Variants in FLI1 observed in about 807,000 individuals in gnomAD.
FLI1 encodes the protein Fli-1 proto-oncogene, ETS transcription factor.
In FLI1, 13 loss-of-function variants were observed where a neutral mutation model predicts 53.1. That is an observed-to-expected ratio of 0.24 (90% confidence interval 0.16 to 0.39). The LOEUF (loss-of-function observed/expected upper bound fraction) is 0.39, where lower values mean the gene tolerates loss of function less well. Ranked by LOEUF, FLI1 falls within the 10% of genes least tolerant of loss-of-function variation. FLI1 has a pLI of 1.00. For synonymous variants in FLI1, 244 were observed against 236.7 expected (o/e 1.03, Z -0.28); for missense variants, 424 against 600.5 (o/e 0.71, Z 3.07).
chr11:128,750,504 G>C (rs1308124464), intron 1 of FLI1, among the ~76,000 whole-genome samples: 1 of 152,184 alleles, frequency 6.6e-6, no homozygotes, highest in Non-Finnish European at 1.5e-5. Flanking sequence ...TGAAATATTT[G>C]TTCCTTCCCA....
chr11:128,686,757 G>C (rs1414564930), intron 1 of FLI1: 3 of 302,174 alleles, frequency 9.9e-6, no homozygotes, highest in Non-Finnish European at 2.0e-5. Context: ...TACCCCACCC[G>C]GGCCTATGGT....
At chr11:128,785,979 G>T (rs1942065713) in intron 5 of FLI1, among the ~76,000 whole-genome samples, 1 of 152,122 alleles carries the variant, frequency 6.6e-6, no homozygotes, top group South Asian at 2.1e-4. Context: ...ACTTAAAATG[G>T]TTAAAATGGT....
rs1331908622 is a variant in FLI1, at chr11:128,784,268, C to CCTCCTCCTGCTGCTG, written c.655+2247_655+2248insCCTCCTGCTGCTGCT. Among the ~76,000 whole-genome samples, 93 of 130,266 alleles carry CCTCCTCCTGCTGCTG rather than the reference C, an allele frequency of 7.1e-4. 2 individuals carry two copies. Among genetic ancestry groups the CCTCCTCCTGCTGCTG allele is most frequent in the East Asian group, 2.2e-3 (9 of 4,102 alleles). 85.5% of individuals were successfully genotyped at this position (130,266 alleles called of 152,430 possible). A position where few individuals can be genotyped will look rare whatever the true frequency, so the allele number is the denominator to read the frequency against. ...TCCTCCTCCTCCTCCTCCTCCTCCTCCTGCTGTCTTATTGTTCAGCCGTGT... is the reference window on the plus strand; with the variant it reads ...TCCTCCTCCTCCTCCTCCTCCTCCTCCTCCTCCTGCTGCTGCTGCTGTCTTATTGTTCAGCCGTGT... On this transcript the variant is annotated intron_variant, in intron 5 of 8. Transcript: ENST00000527786.
intron 4 of FLI1, among the ~76,000 whole-genome samples, chr11:128,777,378 G>C (rs1941767245): frequency 6.6e-6 from 1 of 152,154 alleles, no homozygotes; most frequent in African/African-American, 2.4e-5. Flanking sequence ...TTCAAACAGT[G>C]GCTGCTCAAA....
At chr11:128,708,474 A>T (rs1020155938) in intron 1 of FLI1, among the ~76,000 whole-genome samples, 4 of 152,126 alleles carry the variant, frequency 2.6e-5, no homozygotes. Flanking sequence ...CGGTCCCTCT[A>T]AAGTGCTAAT....
At chr11:128,716,756 T>C (rs956623523) in intron 1 of FLI1, among the ~76,000 whole-genome samples, 5 of 152,178 alleles carry the variant, frequency 3.3e-5, no homozygotes, top group Non-Finnish European at 7.4e-5. Context: ...GCCACAGGGC[T>C]CTGCATTCCT....
At chr11:128,769,616 A>T (rs1256684920) in intron 3 of FLI1, among the ~76,000 whole-genome samples, 2 of 152,162 alleles carry the variant, frequency 1.3e-5, no homozygotes, top group Non-Finnish European at 2.9e-5. Context: ...GAGGCAGCAG[A>T]CGGGTGGGGC....
At chr11:128,693,497 C>T (rs12420823), upstream of FLI1, 79,215 of 175,458 alleles carry the variant, frequency 0.45, 18,664 homozygotes, top group African/African-American at 0.5. Context: ...GCAGCCCTAG[C>T]CAACTCTCCC....
At chr11:128,772,632 A>T in intron 3 of FLI1, 150 bp from the exon 4 acceptor site, 1 of 673,708 alleles carries the variant, frequency 1.5e-6, no homozygotes, top group Non-Finnish European at 2.6e-6. Flanking sequence ...GAGCCTGATG[A>T]GTGTTCTAGG....
intron 4 of FLI1, among the ~76,000 whole-genome samples, chr11:128,775,688 C>T (rs583683): frequency 0.45 from 67,909 of 152,148 alleles, 16,187 homozygotes; most frequent in Middle Eastern, 0.59. Context: ...AGTGGATGTT[C>T]TGTGCTTAGG....
chr11:128,697,765 A>G (rs1938148722), intron 1 of FLI1, among the ~76,000 whole-genome samples: 1 of 152,220 alleles, frequency 6.6e-6, no homozygotes, highest in Admixed American at 6.5e-5. Context: ...CATTAATTCA[A>G]CAAATGTTTA....
intron 4 of FLI1, among the ~76,000 whole-genome samples, chr11:128,775,390 T>C (rs1941700370): frequency 6.6e-6 from 1 of 151,412 alleles, no homozygotes; most frequent in Non-Finnish European, 1.5e-5. Context: ...CCCAACATGG[T>C]ATTGAAATAT....
intron 1 of FLI1, among the ~76,000 whole-genome samples, chr11:128,730,855 C>T (rs651589): frequency 0.82 from 124,938 of 152,284 alleles, 51,748 homozygotes; most frequent in East Asian, 0.96. Flanking sequence ...CTTCCATTGC[C>T]GTTTCCCATC....
chr11:128,765,010 G>A (rs1005179948), intron 2 of FLI1, among the ~76,000 whole-genome samples: 5 of 151,460 alleles, frequency 3.3e-5, no homozygotes, highest in Admixed American at 6.6e-5. Context: ...CGGCCAAACC[G>A]ATCACCTGTC....
intron 2 of FLI1, among the ~76,000 whole-genome samples, chr11:128,759,859 G>A (rs1001615357): frequency 6.6e-6 from 1 of 152,218 alleles, no homozygotes; most frequent in Non-Finnish European, 1.5e-5. Flanking sequence ...AACTGTGAAA[G>A]TGGATGAGGT....
In FLI1 at chr11:128,752,188, C is replaced by T. The variant is rs1322076061; in HGVS notation, c.19-5927C>T. ...ACAGGGTTTCATTATGTTGGCCAGG[C>T]TGTTCTCAACCTCCTGGCCTCAGAT... On this transcript the variant is annotated intron_variant, in intron 1 of 8. Transcript: ENST00000527786. Among the ~76,000 whole-genome samples the T allele has an allele frequency of 5.9e-5, 9 of 152,226 alleles. No individual in the cohort carries two copies. In the East Asian group the frequency reaches 1.5e-3, roughly 26 times the overall value.
At chr11:128,760,377 G>T (rs1941059061) in intron 2 of FLI1, among the ~76,000 whole-genome samples, 1 of 151,964 alleles carries the variant, frequency 6.6e-6, no homozygotes, top group Non-Finnish European at 1.5e-5. Context: ...CTCTGCTTGT[G>T]TGTCATGCTT....
Position 128,807,127 on chromosome 11 carries a change from T to A in FLI1, c.722-53T>A, listed in dbSNP as rs1309175152. 4.9e-6 allele frequency: 6 copies of A among 1,228,696 alleles called. No individual in the cohort carries two copies. In the East Asian group the frequency reaches 1.0e-4, roughly 21 times the overall value. 76.1% of individuals were successfully genotyped at this position (1,228,696 alleles called of 1,614,324 possible). A position where few individuals can be genotyped will look rare whatever the true frequency, so the allele number is the denominator to read the frequency against. ...AAGCACATCTGTCAAGACGTCTTGC[T>A]CCCCTCGGGGAGCTGGGTCCTACTC... is the stretch of plus-strand genomic sequence containing the variant. On this transcript the variant is annotated intron_variant, in intron 6 of 8. Transcript: ENST00000527786.
intron 1 of FLI1, among the ~76,000 whole-genome samples, chr11:128,754,054 G>A (rs1438739994): frequency 6.7e-6 from 1 of 149,738 alleles, no homozygotes; most frequent in East Asian, 2.0e-4. Flanking sequence ...TCCACTTAGG[G>A]GCCCTCACCT....
Sources: gnomAD v4.1 joint callset for allele counts (sites outside exome capture counted in the v4.1 genomes callset) on GRCh38, gnomAD v4.1.1 for gene constraint, MANE v1.5 for transcripts, NCBI Gene and HGNC (gene_info 2026-07-23, HGNC 2026-07-21) for gene names.